The following ADAD1 variants were observed in gnomAD, a reference collection of about 807,000 sequenced individuals.
ADAD1 encodes the protein adenosine deaminase domain-containing protein 1.
Under a neutral mutation model 66.8 loss-of-function variants are expected in ADAD1, and 46 were observed. That is an observed-to-expected ratio of 0.69 (90% CI 0.54 to 0.88). The LOEUF (loss-of-function observed/expected upper bound fraction) is 0.88, where lower values mean the gene tolerates loss of function less well. ADAD1 is among the 40% of genes least tolerant of loss of function. The probability of loss-of-function intolerance (pLI) is 0.00; values close to 1 mark genes in which losing one functional copy is unlikely to be tolerated. For synonymous variants in ADAD1, 248 were observed against 229.4 expected (o/e 1.08, Z -0.73); for missense variants, 617 against 681.8 (o/e 0.91, Z 1.06).
chr4:122,380,980 ATTTGT>A lies in ADAD1; in HGVS notation c.173-8_173-4del. On this transcript the variant is annotated splice_polypyrimidine_tract_variant and splice_region_variant and intron_variant, in intron 3 of 12. Transcript: ENST00000296513. ...TTTAAACCAAATTGACAAGTATAACATTTGTTTTTAGGTAATTTTCCAGAGCCGTT... is the reference window on the plus strand; with the variant it reads ...TTTAAACCAAATTGACAAGTATAACATTTTAGGTAATTTTCCAGAGCCGTT... 6.3e-7 allele frequency: 1 copy of A among 1,579,458 alleles called. No homozygotes were observed. Among genetic ancestry groups the A allele is most frequent in the Non-Finnish European group, 8.5e-7 (1 of 1,171,356 alleles).
At position 122,406,666 on chromosome 4, in the gene ADAD1, A is replaced by T. The variant is rs549264205; in HGVS notation, c.725-1242A>T. Reference sequence around the variant, plus strand: ...ATATAACACCTCTTTCTCCAACTTCATCTTACACCATCCCCTTCACCCCAC... The same window carrying T: ...ATATAACACCTCTTTCTCCAACTTCTTCTTACACCATCCCCTTCACCCCAC... On this transcript the variant is annotated intron_variant, in intron 7 of 12. Coordinates refer to ENST00000296513, the MANE Select transcript of ADAD1 (RefSeq NM_139243.4). Among the ~76,000 whole-genome samples, 176 of 152,154 alleles carry T rather than the reference A, an allele frequency of 1.2e-3. 5 individuals carry two copies. The South Asian group carries it at 0.018, about 16-fold the overall frequency.
intron 10 of ADAD1, among the ~76,000 whole-genome samples, chr4:122,413,999 A>G (rs774968995): frequency 6.7e-6 from 1 of 150,148 alleles, no homozygotes; most frequent in African/African-American, 2.4e-5. Context: ...TTTCAATTAT[A>G]TGGTATAATT....
chr4:122,408,142 G>GA, intron 8 of ADAD1, 111 bp downstream of exon 8: 1 of 1,160,728 alleles, frequency 8.6e-7, no homozygotes, highest in Non-Finnish European at 1.2e-6. Flanking sequence ...TAGAGCCAAG[G>GA]ATGTCACATT....
At chr4:122,419,957 A>G (rs755724375) in intron 11 of ADAD1, among the ~76,000 whole-genome samples, 3 of 152,204 alleles carry the variant, frequency 2.0e-5, no homozygotes, top group Non-Finnish European at 4.4e-5. Context: ...AGGCATTCCC[A>G]CTAACATTCA....
At chr4:122,392,277 C>A (rs1367442423) in intron 5 of ADAD1, among the ~76,000 whole-genome samples, 1 of 152,072 alleles carries the variant, frequency 6.6e-6, no homozygotes, top group Non-Finnish European at 1.5e-5. Flanking sequence ...CTATTCACAA[C>A]AGCAAAGACA....
intron 12 of ADAD1, among the ~76,000 whole-genome samples, chr4:122,429,417 C>T (rs1376958512): frequency 6.7e-6 from 1 of 148,574 alleles, no homozygotes; most frequent in Non-Finnish European, 1.5e-5. Context: ...AAGACCTTGG[C>T]TCTTAGGAAA....
At chr4:122,407,154 T>G (rs909714142) in intron 7 of ADAD1, among the ~76,000 whole-genome samples, 3 of 152,016 alleles carry the variant, frequency 2.0e-5, no homozygotes, top group Non-Finnish European at 1.5e-5. Context: ...CGGTTGTGAA[T>G]GTAGAACTGA....
At chr4:122,415,237 TA>T in intron 10 of ADAD1, 141 bp from the exon 11 acceptor site, 1 of 643,884 alleles carries the variant, frequency 1.6e-6, no homozygotes, top group Non-Finnish European at 2.6e-6. Flanking sequence ...GAGTAGATGC[TA>T]AGAGAATAGA....
At position 122,398,009 on chromosome 4, in the gene ADAD1, A is replaced by G. The variant is rs533720566; in HGVS notation, c.724+1632A>G. Among the ~76,000 whole-genome samples, 3 of 152,278 alleles carry G rather than the reference A, an allele frequency of 2.0e-5. No homozygotes were observed. The East Asian group carries it at 5.8e-4, about 29-fold the overall frequency. On this transcript the variant is annotated intron_variant, in intron 7 of 12. Transcript: ENST00000296513. ...GCCTCATCAGTTTTTAAAAAATTTC[A>G]GTAGTTTTGGGGGAATGGGTGGTGT...
intron 3 of ADAD1, 135 bp downstream of exon 3, chr4:122,380,376 GCAT>G: frequency 9.5e-7 from 1 of 1,050,922 alleles, no homozygotes; most frequent in Non-Finnish European, 1.3e-6. Flanking sequence ...CCTGGAGCTG[GCAT>G]CTGACTCAAC....
intron 6 of ADAD1, among the ~76,000 whole-genome samples, chr4:122,395,126 C>G (rs57921520): frequency 0.015 from 2,341 of 152,082 alleles, 58 homozygotes; most frequent in African/African-American, 0.054. Flanking sequence ...TCTCAGCTCA[C>G]TGCAACCTCT....
Position 122,421,039 on chromosome 4 carries a change from ACATTAATTTTTG to A in ADAD1, c.1488-221_1488-210del, listed in dbSNP as rs1432744655. Among the ~76,000 whole-genome samples the A allele has an allele frequency of 2.6e-5, 4 of 152,268 alleles. No individual in the cohort carries two copies. In the East Asian group the frequency reaches 7.7e-4, roughly 29 times the overall value. ...AGAAATGTTCCAAGGTCAATCTTCTACATTAATTTTTGATGCAATACTAAATAATTTAAAATG... is the reference window on the plus strand; with the variant it reads ...AGAAATGTTCCAAGGTCAATCTTCTAATGCAATACTAAATAATTTAAAATG... On this transcript the variant is annotated intron_variant, in intron 11 of 12. Coordinates refer to ENST00000296513, the MANE Select transcript of ADAD1 (RefSeq NM_139243.4).
chr4:122,415,586 T>C lies in ADAD1; in HGVS notation c.1457T>C (p.Val486Ala), dbSNP rs1304458583. 1 of 1,613,738 alleles carries C rather than the reference T, an allele frequency of 6.2e-7. No individual in the cohort carries two copies. Among genetic ancestry groups the C allele is most frequent in the Non-Finnish European group, 8.5e-7 (1 of 1,179,782 alleles). Residue 486 changes from valine to alanine, a missense_variant, in exon 11 of 13, where the codon GTG becomes GCG. Physicochemically the swap from Val to Ala is moderately conservative, Grantham distance 64. Transcript: ENST00000296513. ...WAQGDVSLEIVDGLSGKITES... is the reference protein window; with the variant it reads ...WAQGDVSLEIADGLSGKITES... ...CAAGGAGATGTTTCTTTGGAGATTG[T>C]GGATGGCCTGAGTGGGAAGATCACT...
intron 12 of ADAD1, among the ~76,000 whole-genome samples, chr4:122,423,629 T>C (rs1331934904): frequency 1.3e-5 from 2 of 152,100 alleles, no homozygotes; most frequent in Non-Finnish European, 2.9e-5. Flanking sequence ...AGTTGAAAAA[T>C]ACATAGTTCT....
intron 12 of ADAD1, among the ~76,000 whole-genome samples, chr4:122,426,354 A>G (rs1468871336): frequency 6.6e-6 from 1 of 152,152 alleles, no homozygotes; most frequent in Non-Finnish European, 1.5e-5. Context: ...TATTTTCCTA[A>G]AGAAAATCTC....
Position 122,393,631 on chromosome 4 carries a change from T to C in ADAD1, c.572T>C (p.Leu191Pro). 6.2e-7 allele frequency: 1 copy of C among 1,602,976 alleles called. No homozygotes were observed. The highest frequency in any genetic ancestry group is 8.5e-7 in the Non-Finnish European group (1 of 1,175,904). Residue 191 changes from leucine to proline, a missense_variant, in exon 6 of 13, where the codon CTA (leucine) becomes CCA (proline). Transcript: ENST00000296513. ...FPAEPVVLSE[L>P]AYVSKVHYEG... ...GCAGAACCTGTTGTTTTATCTGAACTAGCATATGTTTCAAAAGTACATTAT... is the reference window on the plus strand; with the variant it reads ...GCAGAACCTGTTGTTTTATCTGAACCAGCATATGTTTCAAAAGTACATTAT...
chr4:122,408,048 A>G lies in ADAD1; in HGVS notation c.848+17A>G, dbSNP rs375153552. The G allele has an allele frequency of 2.8e-4, 455 of 1,597,272 alleles. No homozygotes were observed. The highest frequency in any genetic ancestry group is 3.7e-4 in the Non-Finnish European group (430 of 1,171,252). ...TCTTCTTAGGTAAGACAATACATATATTAATGTTATTAAATATGAATGCCC... is the reference window on the plus strand; with the variant it reads ...TCTTCTTAGGTAAGACAATACATATGTTAATGTTATTAAATATGAATGCCC... On this transcript the variant is annotated intron_variant, in intron 8 of 12. Transcript: ENST00000296513.
chr4:122,381,187 G>A lies in ADAD1; in HGVS notation c.361+7G>A. On this transcript the variant is annotated splice_region_variant and intron_variant, in intron 4 of 12. Transcript: ENST00000296513. The stretch of plus-strand genomic sequence containing the variant: ...AAGGAAACTGTGACAACAGGCAAGT[G>A]TAAAATTGTATTTGTCTCAAAAACA... 1 of 1,539,260 alleles carries A rather than the reference G, an allele frequency of 6.5e-7. No homozygotes were observed. Among genetic ancestry groups the A allele is most frequent in the Non-Finnish European group, 8.7e-7 (1 of 1,153,592 alleles).
At chr4:122,423,461 G>T (rs1273539884) in intron 12 of ADAD1, among the ~76,000 whole-genome samples, 1 of 152,194 alleles carries the variant, frequency 6.6e-6, no homozygotes, top group African/African-American at 2.4e-5. Flanking sequence ...CAAGCCAAGG[G>T]ATACTTGAGA....
Sources: allele counts gnomAD v4.1 joint callset (sites outside exome capture counted in the v4.1 genomes callset), GRCh38; gene constraint gnomAD v4.1.1; transcripts MANE v1.5; gene names NCBI Gene and HGNC (gene_info 2026-07-23, HGNC 2026-07-21).